Variants in DLGAP2 observed in about 807,000 individuals in gnomAD.
DLGAP2 encodes disks large-associated protein 2.
In DLGAP2, 26 loss-of-function variants were observed where a neutral mutation model predicts 100.3. The ratio of observed to expected loss-of-function variants is 0.26; its 90% CI spans 0.19 to 0.36. The LOEUF (loss-of-function observed/expected upper bound fraction) is 0.36, where lower values mean the gene tolerates loss of function less well. DLGAP2 is among the 10% of genes least tolerant of loss of function. The pLI, the probability that DLGAP2 is intolerant of heterozygous loss-of-function variation, is 1.00. For synonymous variants in DLGAP2, 886 were observed against 630.1 expected (o/e 1.41, Z -6.08); for missense variants, 1,858 against 1,453.2 (o/e 1.28, Z -4.53).
intron 2 of DLGAP2, among the ~76,000 whole-genome samples, chr8:1,166,407 T>C (rs1410892946): frequency 6.6e-6 from 1 of 152,236 alleles, no homozygotes; most frequent in Non-Finnish European, 1.5e-5. Flanking sequence ...CTGATTTGAC[T>C]TCTGATAGCT....
intron 3 of DLGAP2, among the ~76,000 whole-genome samples, chr8:1,438,024 A>G (rs191557113): frequency 1.3e-5 from 2 of 152,018 alleles, no homozygotes; most frequent in African/African-American, 4.8e-5. Flanking sequence ...CCAAAGTAGG[A>G]AAAGAGGCCT....
At chr8:1,305,158 C>T (rs1229390445) in intron 3 of DLGAP2, among the ~76,000 whole-genome samples, 1 of 152,214 alleles carries the variant, frequency 6.6e-6, no homozygotes, top group Non-Finnish European at 1.5e-5. Flanking sequence ...ACTTCCCATT[C>T]AGTGACCTAA....
chr8:1,088,209 G>C (rs1263453102), intron 2 of DLGAP2, among the ~76,000 whole-genome samples: 2 of 152,126 alleles, frequency 1.3e-5, no homozygotes, highest in Non-Finnish European at 2.9e-5. Flanking sequence ...CACTAGTCCT[G>C]GTAGCCAATA....
chr8:1,293,372 C>T lies in DLGAP2; in HGVS notation c.106+34489C>T, dbSNP rs1275211102. On this transcript the variant is annotated intron_variant, in intron 3 of 14. Coordinates refer to ENST00000637795, the MANE Select transcript of DLGAP2 (RefSeq NM_001346810.2). ...TCCCTGTGCCTCCCTTTTCTGGGCT[C>T]CCGGACGGCTGAGCCATGGCTCCTT... 2.6e-5 allele frequency among the ~76,000 whole-genome samples: 4 copies of T among 152,096 alleles called. No individual in the cohort carries two copies. In the East Asian group the frequency reaches 5.8e-4, roughly 22 times the overall value.
intron 1 of DLGAP2, among the ~76,000 whole-genome samples, chr8:854,593 ATGTGCATGCATGTG>A (rs1273235307): frequency 8.9e-4 from 136 of 152,138 alleles, no homozygotes; most frequent in African/African-American, 3.0e-3. Context: ...TTCATGTTGT[ATGTGCATGCATGTG>A]TGTGCATGTT....
chr8:917,151 T>C (rs541430070), intron 2 of DLGAP2, among the ~76,000 whole-genome samples: 1 of 152,178 alleles, frequency 6.6e-6, no homozygotes, highest in South Asian at 2.1e-4. Flanking sequence ...GACTGTTGAG[T>C]CACCCCTTTT....
chr8:1,662,706 G>T (rs1252483905), intron 8 of DLGAP2, among the ~76,000 whole-genome samples: 3 of 152,256 alleles, frequency 2.0e-5, no homozygotes, highest in African/African-American at 4.8e-5. Context: ...CCACAAGGTT[G>T]TTCTGAAGCT....
intron 3 of DLGAP2, chr8:1,302,645 A>G (rs1800384460): frequency 6.6e-6 from 1 of 152,266 alleles, no homozygotes; most frequent in Non-Finnish European, 1.5e-5. Context: ...CCGGGACTGG[A>G]CTCAGCATTT....
chr8:816,438 A>C (rs981390597), intron 1 of DLGAP2, among the ~76,000 whole-genome samples: 1 of 152,138 alleles, frequency 6.6e-6, no homozygotes, highest in Non-Finnish European at 1.5e-5. Flanking sequence ...TTCTCTCAGC[A>C]TTTGTTTATC....
At chr8:913,307 A>G (rs994451915) in intron 2 of DLGAP2, among the ~76,000 whole-genome samples, 1 of 152,144 alleles carries the variant, frequency 6.6e-6, no homozygotes, top group African/African-American at 2.4e-5. Flanking sequence ...ATAATTGTAA[A>G]TCCCCTAGAT....
intron 3 of DLGAP2, among the ~76,000 whole-genome samples, chr8:1,282,477 G>A: frequency 8.0e-6 from 1 of 125,520 alleles, no homozygotes; most frequent in East Asian, 2.9e-4. Context: ...TGGACATGGT[G>A]TGACCTGAAC....
At chr8:802,044 G>A (rs80262351) in intron 1 of DLGAP2, among the ~76,000 whole-genome samples, 3,432 of 130,010 alleles carry the variant, frequency 0.026, 68 homozygotes, top group East Asian at 0.18. Flanking sequence ...CCATCCTCAC[G>A]GCCTGGGGAA....
intron 4 of DLGAP2, among the ~76,000 whole-genome samples, chr8:1,508,119 A>G (rs73540664): frequency 0.068 from 10,321 of 151,782 alleles, 1,217 homozygotes; most frequent in African/African-American, 0.23. Flanking sequence ...CACATCAGAT[A>G]CCTTTAAAGT....
At chr8:1,381,748 G>T (rs562361115) in intron 3 of DLGAP2, among the ~76,000 whole-genome samples, 1 of 150,434 alleles carries the variant, frequency 6.6e-6, no homozygotes, top group Non-Finnish European at 1.5e-5. Context: ...TGAATGCTGG[G>T]ATTTTCTTCC....
At chr8:1,469,079 A>G (rs1161540259) in intron 3 of DLGAP2, among the ~76,000 whole-genome samples, 1 of 151,838 alleles carries the variant, frequency 6.6e-6, no homozygotes, top group Non-Finnish European at 1.5e-5. Flanking sequence ...AACGCATGAC[A>G]TGTCCTGTCA....
At chr8:1,147,913 C>G (rs1004869077) in intron 2 of DLGAP2, among the ~76,000 whole-genome samples, 1 of 152,018 alleles carries the variant, frequency 6.6e-6, no homozygotes, top group Non-Finnish European at 1.5e-5. Flanking sequence ...TAGTGTTTTT[C>G]TATTTACGTT....
At chr8:1,026,852 C>T (rs1801815253) in intron 2 of DLGAP2, among the ~76,000 whole-genome samples, 1 of 152,076 alleles carries the variant, frequency 6.6e-6, no homozygotes, top group African/African-American at 2.4e-5. Flanking sequence ...TCTAACTGAC[C>T]CCCAACACAT....
intron 6 of DLGAP2, among the ~76,000 whole-genome samples, chr8:1,592,873 C>T (rs887254307): frequency 1.3e-5 from 2 of 152,198 alleles, no homozygotes; most frequent in African/African-American, 2.4e-5. Context: ...TTACATGGAG[C>T]AGTTACACTA....
At chr8:1,696,651 G>A (rs1256195477) in intron 13 of DLGAP2, among the ~76,000 whole-genome samples, 2 of 152,226 alleles carry the variant, frequency 1.3e-5, no homozygotes, top group African/African-American at 2.4e-5. Flanking sequence ...CGGTTGGTGA[G>A]AGCATCCTGT....
Sources: allele counts gnomAD v4.1 joint callset (sites outside exome capture counted in the v4.1 genomes callset), GRCh38; gene constraint gnomAD v4.1.1; transcripts MANE v1.5; gene names NCBI Gene and HGNC (gene_info 2026-07-23, HGNC 2026-07-21).